Variants in SLC9A5 observed in about 807,000 individuals in gnomAD.
The protein encoded by SLC9A5 is sodium/hydrogen exchanger 5.
A neutral mutation model predicts 91.7 loss-of-function variants in SLC9A5; 52 were observed. The ratio of observed to expected loss-of-function variants is 0.57; its 90% CI spans 0.45 to 0.71. SLC9A5 has a LOEUF of 0.71. Among genes scored for constraint, SLC9A5 ranks in the 30% least tolerant of loss-of-function variants. SLC9A5 has a pLI of 0.00. For synonymous variants in SLC9A5, 419 were observed against 474.5 expected, an observed-to-expected ratio of 0.88 and a Z score of 1.52; for missense variants, 871 against 1,158.9, an observed-to-expected ratio of 0.75 and a Z score of 3.61.
rs572498952 is a variant in SLC9A5, at chr16:67,270,069, G to T, written c.2219-669G>T. On this transcript the variant is annotated intron_variant, in intron 15 of 15. Transcript: ENST00000299798. This position sits in a 1 kb window ranked among gnomAD's most constrained non-coding sequence, Gnocchi z 4.3. ...TGGTGGCTGGCGTTTCTCCCTCGCTGGTTGGCTGGGATGGGGCTTGGCAGG... is the reference window on the plus strand; with the variant it reads ...TGGTGGCTGGCGTTTCTCCCTCGCTTGTTGGCTGGGATGGGGCTTGGCAGG... Among the ~76,000 whole-genome samples, 1 of 152,320 alleles carries T rather than the reference G, an allele frequency of 6.6e-6. No homozygotes were observed. Among genetic ancestry groups the T allele is most frequent in the Non-Finnish European group, 1.5e-5 (1 of 68,036 alleles).
intron 1 of SLC9A5, among the ~76,000 whole-genome samples, chr16:67,251,370 A>T (rs2035109676): frequency 6.6e-6 from 1 of 150,838 alleles, no homozygotes; most frequent in Admixed American, 6.6e-5. Context: ...GCTTACTGTA[A>T]AGTAGTGTGC....
At position 67,257,692 on chromosome 16, in the gene SLC9A5, G is replaced by C; in HGVS notation, c.1496+91G>C. Reference sequence around the variant, plus strand: ...TGTGCCACACTTCTGAGAAGGGACAGAGCCAGGTTCAGGCTGGGTGACCTC... The same window carrying C: ...TGTGCCACACTTCTGAGAAGGGACACAGCCAGGTTCAGGCTGGGTGACCTC... On this transcript the variant is annotated intron_variant, in intron 9 of 15. Coordinates refer to ENST00000299798, the MANE Select transcript of SLC9A5 (RefSeq NM_004594.3). The surrounding 1 kb of genome is among the most constrained non-coding windows in gnomAD (Gnocchi z 5.1). 5.0e-6 allele frequency: 7 copies of C among 1,389,748 alleles called. No homozygotes were observed. Among genetic ancestry groups the C allele is most frequent in the South Asian group, 2.3e-5 (2 of 85,478 alleles). The allele number at this position is 1,389,748 out of a possible 1,614,324, so 86.1% of individuals were successfully genotyped here.
At chr16:67,260,611 G>T (rs1387567985) in intron 12 of SLC9A5, among the ~76,000 whole-genome samples, 8 of 152,168 alleles carry the variant, frequency 5.3e-5, no homozygotes. Flanking sequence ...AGGCCTAGGT[G>T]ATTGGCTCTG....
In SLC9A5 at chr16:67,252,321, C is replaced by T. The variant is rs1002470908; in HGVS notation, c.188-221C>T. The stretch of plus-strand genomic sequence containing the variant: ...AAAAAATTATCTGGGCATGGTGGCG[C>T]GTGTCTGTAGTCCCCGTACTCAGGA... On this transcript the variant is annotated intron_variant, in intron 1 of 15. Coordinates refer to ENST00000299798, the MANE Select transcript of SLC9A5 (RefSeq NM_004594.3). This position sits in a 1 kb window ranked among gnomAD's most constrained non-coding sequence, Gnocchi z 4.0. Among the ~76,000 whole-genome samples the T allele has an allele frequency of 1.3e-5, 2 of 151,926 alleles. No individual in the cohort carries two copies. The highest frequency in any genetic ancestry group is 2.9e-5 in the Non-Finnish European group (2 of 67,980).
rs2035884801 is a variant in SLC9A5, at chr16:67,270,676, G to A, written c.2219-62G>A. Reference sequence around the variant, plus strand: ...AACTGTGGCATGAATTTATAAGAATGTGCTTATACTTGAGATTTCCACTGT... The same window carrying A: ...AACTGTGGCATGAATTTATAAGAATATGCTTATACTTGAGATTTCCACTGT... On this transcript the variant is annotated intron_variant, in intron 15 of 15. Transcript: ENST00000299798. The surrounding 1 kb of genome is among the most constrained non-coding windows in gnomAD (Gnocchi z 4.3). 1 of 1,151,592 alleles carries A rather than the reference G, an allele frequency of 8.7e-7. No homozygotes were observed. The highest frequency in any genetic ancestry group is 1.2e-6 in the Non-Finnish European group (1 of 821,698). 71.3% of individuals were successfully genotyped at this position (1,151,592 alleles called of 1,614,324 possible). A position where few individuals can be genotyped will look rare whatever the true frequency, so the allele number is the denominator to read the frequency against.
intron 12 of SLC9A5, among the ~76,000 whole-genome samples, chr16:67,260,277 C>G (rs1197257144): frequency 1.4e-5 from 2 of 148,054 alleles, no homozygotes; most frequent in Non-Finnish European, 2.9e-5. Flanking sequence ...ATCGCTTGAA[C>G]CCGGGAGGCA....
chr16:67,253,701 T>G (rs920084267), intron 2 of SLC9A5, among the ~76,000 whole-genome samples: 1 of 152,176 alleles, frequency 6.6e-6, no homozygotes, highest in African/African-American at 2.4e-5. Context: ...TTTTGTATTT[T>G]TAGTAGAGAT....
chr16:67,251,972 C>T (rs1446922087), intron 1 of SLC9A5, among the ~76,000 whole-genome samples: 1 of 152,032 alleles, frequency 6.6e-6, no homozygotes, highest in East Asian at 1.9e-4. Context: ...AAGGTGAGGT[C>T]CCCTGAGGAT....
chr16:67,259,954 C>T lies in SLC9A5; in HGVS notation c.1842+8C>T. Reference sequence around the variant, plus strand: ...TACAAGCCGCGCCGTAGGGTGAGAGCAGGCAGGCATCAGGATTTTGAGGGG... The same window carrying T: ...TACAAGCCGCGCCGTAGGGTGAGAGTAGGCAGGCATCAGGATTTTGAGGGG... On this transcript the variant is annotated splice_region_variant and intron_variant, in intron 12 of 15. Coordinates refer to ENST00000299798, the MANE Select transcript of SLC9A5 (RefSeq NM_004594.3). The T allele has an allele frequency of 6.2e-7, 1 of 1,612,994 alleles. No individual in the cohort carries two copies. Among genetic ancestry groups the T allele is most frequent in the Non-Finnish European group, 8.5e-7 (1 of 1,179,486 alleles).
At position 67,249,024 on chromosome 16, in the gene SLC9A5, G is replaced by T. The variant is rs781377833; in HGVS notation, c.10G>T (p.Ala4Ser). The T allele has an allele frequency of 2.8e-6, 4 of 1,425,722 alleles. No homozygotes were observed. Among genetic ancestry groups the T allele is most frequent in the Non-Finnish European group, 3.7e-6 (4 of 1,089,988 alleles). The allele number at this position is 1,425,722 out of a possible 1,614,324, so 88.3% of individuals were successfully genotyped here. A position where few individuals can be genotyped will look rare whatever the true frequency, so the allele number is the denominator to read the frequency against. ...CTGGGCAGGCGGCAGGATGCTGCGC[G>T]CCGCCCTGTCCCTGCTCGCGCTGCC... MLR[A>S]ALSLLALPLA... is the part of the protein sequence containing the mutation. Residue 4 changes from alanine to serine, a missense_variant, in exon 1 of 16, where the codon GCC (alanine) becomes TCC (serine). Physicochemically the swap from Ala to Ser is moderately conservative, Grantham distance 99. This residue lies in a region of SLC9A5 where 122 missense variants were observed against 114.5 expected (regional missense o/e 1.07). Coordinates refer to ENST00000299798, the MANE Select transcript of SLC9A5 (RefSeq NM_004594.3).
chr16:67,268,707 TA>T (rs1567421773), intron 15 of SLC9A5, among the ~76,000 whole-genome samples: 44 of 100,668 alleles, frequency 4.4e-4, no homozygotes, highest in Admixed American at 8.2e-4. Context: ...TATATATATA[TA>T]TATTTTTACA....
Position 67,257,569 on chromosome 16 carries a change from G to A in SLC9A5, c.1464G>A (p.Val488=). The change falls in exon 9 of 16, where the codon GTG becomes GTA. Residue 488 remains valine (V), a synonymous_variant. Transcript: ENST00000299798. This position sits in a 1 kb window ranked among gnomAD's most constrained non-coding sequence, Gnocchi z 5.1. The stretch of plus-strand genomic sequence containing the variant: ...TTCTGGCTGCAGTGGAGGACGTTGT[G>A]GGGCACCATGGCTACCACTACTGGA... The part of the protein sequence containing the change: ...DHILAAVEDV[V]GHHGYHYWRD... The A allele has an allele frequency of 1.2e-6, 2 of 1,614,090 alleles. No homozygotes were observed. Among genetic ancestry groups the A allele is most frequent in the Non-Finnish European group, 1.7e-6 (2 of 1,180,010 alleles).
At chr16:67,249,682 C>T (rs892970684) in intron 1 of SLC9A5, among the ~76,000 whole-genome samples, 3 of 152,188 alleles carry the variant, frequency 2.0e-5, no homozygotes, top group Non-Finnish European at 1.5e-5. Flanking sequence ...GGAAACTACA[C>T]TGCCACTTTT....
At chr16:67,266,316 T>A in intron 15 of SLC9A5, 91 bp downstream of exon 15, 2 of 1,270,266 alleles carry the variant, frequency 1.6e-6, no homozygotes, top group East Asian at 2.6e-5. Context: ...AACTCCCTTT[T>A]CCTATTCACT....
Position 67,257,795 on chromosome 16 carries a change from A to G in SLC9A5, c.1496+194A>G, listed in dbSNP as rs1390080778. 6.6e-6 allele frequency among the ~76,000 whole-genome samples: 1 copy of G among 152,202 alleles called. No individual in the cohort carries two copies. Among genetic ancestry groups the G allele is most frequent in the Non-Finnish European group, 1.5e-5 (1 of 68,022 alleles). ...CCCAGTGTGGCCTGCTTGGCCCTGCATGGTTTGGCAACTGCCAGACTCCAG... is the reference window on the plus strand; with the variant it reads ...CCCAGTGTGGCCTGCTTGGCCCTGCGTGGTTTGGCAACTGCCAGACTCCAG... On this transcript the variant is annotated intron_variant, in intron 9 of 15. Transcript: ENST00000299798. This position sits in a 1 kb window ranked among gnomAD's most constrained non-coding sequence, Gnocchi z 5.1.
chr16:67,264,801 A>G (rs1285040723), intron 13 of SLC9A5, among the ~76,000 whole-genome samples: 2 of 151,486 alleles, frequency 1.3e-5, no homozygotes, highest in African/African-American at 4.9e-5. Context: ...AGAAAAGGAG[A>G]TTCCTTTGAG....
Position 67,271,599 on chromosome 16 carries a change from T to G in SLC9A5, c.*389T>G. 4.7e-6 allele frequency: 1 copy of G among 213,440 alleles called. No individual in the cohort carries two copies. Among genetic ancestry groups the G allele is most frequent in the Non-Finnish European group, 9.6e-6 (1 of 104,648 alleles). The allele number at this position is 213,440 out of a possible 1,614,324, so 13.2% of individuals were successfully genotyped here. ...TCCTATTCTTCAGTGGATGCCAGCC[T>G]TCCCTGCCCCAACTCCCTCCCCAGC... On this transcript the variant is annotated 3_prime_UTR_variant, in exon 16 of 16. Coordinates refer to ENST00000299798, the MANE Select transcript of SLC9A5 (RefSeq NM_004594.3).
intron 12 of SLC9A5, among the ~76,000 whole-genome samples, chr16:67,260,184 A>G (rs182842258): frequency 6.6e-6 from 1 of 151,934 alleles, no homozygotes; most frequent in Admixed American, 6.6e-5. Context: ...ATGAAACCCC[A>G]TCTCTACTAA....
chr16:67,255,218 C>T lies in SLC9A5; in HGVS notation c.654+34C>T, dbSNP rs753992143. 3 of 1,602,932 alleles carry T rather than the reference C, an allele frequency of 1.9e-6. No homozygotes were observed. The highest frequency in any genetic ancestry group is 1.3e-5 in the African/African-American group (1 of 74,774). Reference sequence around the variant, plus strand: ...GCTCAGCTGACTGCCATTCCCTGACCCCAGGCTGCATGCTCTGACCAACTA... The same window carrying T: ...GCTCAGCTGACTGCCATTCCCTGACTCCAGGCTGCATGCTCTGACCAACTA... On this transcript the variant is annotated intron_variant, in intron 3 of 15. Coordinates refer to ENST00000299798, the MANE Select transcript of SLC9A5 (RefSeq NM_004594.3). The surrounding 1 kb of genome is among the most constrained non-coding windows in gnomAD (Gnocchi z 4.9).
Sources: allele counts gnomAD v4.1 joint callset (sites outside exome capture counted in the v4.1 genomes callset), GRCh38; gene constraint gnomAD v4.1.1; regional missense constraint gnomAD v4.1.1; non-coding constraint Gnocchi (gnomAD v3.1); transcripts MANE v1.5; gene names NCBI Gene and HGNC (gene_info 2026-07-23, HGNC 2026-07-21).